NHS: variants seen among roughly 807,000 people sequenced by gnomAD.
The protein encoded by NHS is actin remodeling regulator NHS.
Under a neutral mutation model 72.5 loss-of-function variants are expected in NHS, and 5 were observed. The observed-to-expected ratio is 0.07, with a 90% CI of 0.04 to 0.14. The LOEUF (loss-of-function observed/expected upper bound fraction) is 0.14, where lower values mean the gene tolerates loss of function less well. NHS is among the 10% of genes least tolerant of loss of function. The pLI is 1.00. For synonymous variants in NHS, 464 were observed against 547.7 expected (o/e 0.85, Z 2.13); for missense variants, 1,072 against 1,355.7 (o/e 0.79, Z 3.29).
At chrX:17,430,306 TCTTTCTTTC>T (rs1408655168) in intron 1 of NHS, among the ~76,000 whole-genome samples, 25 of 80,635 alleles carry the variant, frequency 3.1e-4, no homozygotes, top group Non-Finnish European at 5.7e-4. Context: ...TTTCTTTCTT[TCTTTCTTTC>T]CTTTCTTTCT....
chrX:17,707,652 A>G (rs2066303980), intron 3 of NHS, among the ~76,000 whole-genome samples: 1 of 111,841 alleles, frequency 8.9e-6, no homozygotes, highest in South Asian at 3.8e-4. Flanking sequence ...TCTTATGAGA[A>G]AGCAGCTTCT....
chrX:17,703,134 G>GAAAGA (rs1333751042), intron 3 of NHS, among the ~76,000 whole-genome samples: 1 of 110,318 alleles, frequency 9.1e-6, no homozygotes, highest in East Asian at 2.9e-4. Context: ...AGAAAGAAAG[G>GAAAGA]AAAGAAAAGA....
intron 1 of NHS, among the ~76,000 whole-genome samples, chrX:17,537,058 C>G (rs921358820): frequency 7.1e-5 from 8 of 111,913 alleles, no homozygotes; most frequent in African/African-American, 1.9e-4. Context: ...AGATGGAAAG[C>G]AAAGCAAAGA....
intron 1 of NHS, among the ~76,000 whole-genome samples, chrX:17,434,548 A>G (rs1249892933): frequency 2.0e-5 from 2 of 101,348 alleles, no homozygotes; most frequent in Non-Finnish European, 3.9e-5. Context: ...GGTTCACGCC[A>G]TTCTTCTGCC....
chrX:17,603,397 C>T (rs899905161), intron 1 of NHS, among the ~76,000 whole-genome samples: 5 of 112,164 alleles, frequency 4.5e-5, no homozygotes, highest in African/African-American at 9.7e-5. Flanking sequence ...TCAAGAAATA[C>T]GGTGGCCAAG....
At chrX:17,398,034 A>G (rs1285263242) in intron 1 of NHS, among the ~76,000 whole-genome samples, 2 of 112,327 alleles carry the variant, frequency 1.8e-5, no homozygotes, top group African/African-American at 6.5e-5. Context: ...TTCATGTGAA[A>G]CTACTTCTCC....
intron 1 of NHS, among the ~76,000 whole-genome samples, chrX:17,438,980 C>A (rs965680583): frequency 9.1e-5 from 10 of 109,802 alleles, no homozygotes; most frequent in African/African-American, 3.0e-4. Flanking sequence ...TTCACCATCA[C>A]TGACACCTCT....
intron 1 of NHS, among the ~76,000 whole-genome samples, chrX:17,612,567 C>T (rs1018981317): frequency 7.2e-5 from 8 of 111,632 alleles, no homozygotes; most frequent in African/African-American, 1.6e-4. Context: ...GCACTTTCTA[C>T]ACATTAACTC....
chrX:17,383,083 C>T (rs933176498), intron 1 of NHS, among the ~76,000 whole-genome samples: 1 of 112,133 alleles, frequency 8.9e-6, no homozygotes, highest in Admixed American at 9.5e-5. Context: ...ACAGTGATGA[C>T]TTATTTGATG....
At chrX:17,465,635 T>C (rs1199999573) in intron 1 of NHS, among the ~76,000 whole-genome samples, 1 of 106,656 alleles carries the variant, frequency 9.4e-6, no homozygotes, top group Non-Finnish European at 1.9e-5. Context: ...AAAAAAAAAT[T>C]ACTCCTTACA....
chrX:17,674,031 C>T (rs6633014), intron 1 of NHS, among the ~76,000 whole-genome samples: 31,294 of 111,091 alleles, frequency 0.28, 8,263 homozygotes, highest in African/African-American at 0.83. Context: ...ACGGCACTGA[C>T]GGTGTTCCTT....
intron 1 of NHS, among the ~76,000 whole-genome samples, chrX:17,524,169 A>G (rs1375481380): frequency 8.9e-6 from 1 of 111,823 alleles, no homozygotes; most frequent in African/African-American, 3.3e-5. Flanking sequence ...ACTCTTGTAT[A>G]CCTTTATCTA....
At chrX:17,532,082 G>A (rs778022743) in intron 1 of NHS, among the ~76,000 whole-genome samples, 3 of 111,328 alleles carry the variant, frequency 2.7e-5, no homozygotes, top group African/African-American at 9.8e-5. Flanking sequence ...GGTGAAGCCA[G>A]TGGGATCCTT....
intron 3 of NHS, among the ~76,000 whole-genome samples, chrX:17,717,065 T>C (rs1372110769): frequency 9.2e-6 from 1 of 108,393 alleles, no homozygotes; most frequent in African/African-American, 3.4e-5. Flanking sequence ...CCTCCCAGGT[T>C]CAAGCAATTC....
intron 1 of NHS, among the ~76,000 whole-genome samples, chrX:17,551,290 C>T (rs2065335006): frequency 1.8e-5 from 2 of 111,993 alleles, no homozygotes; most frequent in South Asian, 7.4e-4. Flanking sequence ...AATAAATGTT[C>T]CTACAAAGAA....
In NHS at chrX:17,725,521, T is replaced by C. The variant is rs751213969; in HGVS notation, c.1415T>C (p.Ile472Thr). 20 of 1,209,505 alleles carry C rather than the reference T, an allele frequency of 1.7e-5. No individual in the cohort carries two copies. Among genetic ancestry groups the C allele is most frequent in the Non-Finnish European group, 2.1e-5 (19 of 895,175 alleles). Residue 472 changes from isoleucine to threonine, a missense_variant, in exon 7 of 9, where the codon ATT becomes ACT. Ile to Thr is a moderately conservative substitution (Grantham distance 89). Coordinates refer to ENST00000676302, the MANE Select transcript of NHS (RefSeq NM_001291867.2). ...ATCAGAGCTCAAAGGGGTCAAAGCA[T>C]TGCAGCTTCCCTTTCTCATTCTGCT... ...RRIRAQRGQS[I>T]AASLSHSAGN...
chrX:17,674,082 A>G (rs1005588617), intron 1 of NHS, among the ~76,000 whole-genome samples: 1 of 112,025 alleles, frequency 8.9e-6, no homozygotes, highest in Non-Finnish European at 1.9e-5. Flanking sequence ...GGACATAATA[A>G]GAGGTGACAT....
intron 1 of NHS, among the ~76,000 whole-genome samples, chrX:17,564,637 C>T (rs1362513675): frequency 8.9e-6 from 1 of 112,654 alleles, no homozygotes; most frequent in Non-Finnish European, 1.9e-5. Flanking sequence ...CATTCTCTAA[C>T]AGCTCTAAAT....
At chrX:17,439,143 A>G in intron 1 of NHS, among the ~76,000 whole-genome samples, 1 of 108,578 alleles carries the variant, frequency 9.2e-6, no homozygotes, top group East Asian at 3.0e-4. Flanking sequence ...ATGTGCCCAT[A>G]GGTCTACATC....
Sources: allele counts gnomAD v4.1 joint callset (sites outside exome capture counted in the v4.1 genomes callset), GRCh38; gene constraint gnomAD v4.1.1; transcripts MANE v1.5; gene names NCBI Gene and HGNC (gene_info 2026-07-23, HGNC 2026-07-21).